The following IL1RAPL1 variants were observed in gnomAD, a reference collection of about 807,000 sequenced individuals.
IL1RAPL1 encodes interleukin 1 receptor accessory protein like 1.
A neutral mutation model predicts 48.4 loss-of-function variants in IL1RAPL1; 3 were observed. That is an observed-to-expected ratio of 0.06 (90% CI 0.03 to 0.16). The LOEUF (loss-of-function observed/expected upper bound fraction) is 0.16, where lower values mean the gene tolerates loss of function less well. IL1RAPL1 is among the 10% of genes least tolerant of loss of function. The pLI, the probability that IL1RAPL1 is intolerant of heterozygous loss-of-function variation, is 1.00. For synonymous variants in IL1RAPL1, 185 were observed against 187.7 expected, an observed-to-expected ratio of 0.99 and a Z score of 0.12; for missense variants, 349 against 530.6, an observed-to-expected ratio of 0.66 and a Z score of 3.36.
At chrX:29,067,412 C>A (rs1383618471) in intron 2 of IL1RAPL1, among the ~76,000 whole-genome samples, 3 of 112,163 alleles carry the variant, frequency 2.7e-5, no homozygotes, top group Non-Finnish European at 5.6e-5. Context: ...TCTTTGGATG[C>A]GGAATTGCTT....
chrX:29,307,535 G>A, intron 3 of IL1RAPL1, among the ~76,000 whole-genome samples: 1 of 111,959 alleles, frequency 8.9e-6, no homozygotes, highest in Non-Finnish European at 1.9e-5. Flanking sequence ...GTGTGAATTG[G>A]AACTAAGATA....
chrX:29,309,853 T>C (rs1932682772), intron 3 of IL1RAPL1, among the ~76,000 whole-genome samples: 2 of 105,871 alleles, frequency 1.9e-5, no homozygotes, highest in Admixed American at 2.0e-4. Flanking sequence ...CCCAGCACTT[T>C]GGGTGGCCGA....
intron 6 of IL1RAPL1, among the ~76,000 whole-genome samples, chrX:29,754,446 C>T (rs924756282): frequency 5.4e-5 from 6 of 111,922 alleles, no homozygotes; most frequent in Non-Finnish European, 9.4e-5. Flanking sequence ...GTTCCCATTA[C>T]CTGTCCATTA....
At chrX:28,689,222 T>C (rs768737565) in intron 1 of IL1RAPL1, among the ~76,000 whole-genome samples, 92 of 111,174 alleles carry the variant, frequency 8.3e-4, no homozygotes, top group African/African-American at 3.0e-3. Flanking sequence ...TCACCTTGAA[T>C]TGTAATAATC....
At chrX:29,576,059 T>C (rs1922764060) in intron 5 of IL1RAPL1, among the ~76,000 whole-genome samples, 1 of 112,219 alleles carries the variant, frequency 8.9e-6, no homozygotes, top group African/African-American at 3.2e-5. Context: ...ACTCTCCAAA[T>C]ATGCAACTTC....
intron 2 of IL1RAPL1, among the ~76,000 whole-genome samples, chrX:28,980,119 T>A (rs1267678556): frequency 8.9e-6 from 1 of 112,490 alleles, no homozygotes; most frequent in Non-Finnish European, 1.9e-5. Flanking sequence ...ATGCAAATCA[T>A]CTTGACTCTC....
At chrX:29,335,322 G>C (rs868521064) in intron 3 of IL1RAPL1, among the ~76,000 whole-genome samples, 1 of 27,719 alleles carries the variant, frequency 3.6e-5, no homozygotes, top group Non-Finnish European at 8.1e-5. Flanking sequence ...GAGGGGAGAG[G>C]GGAGAGGGGA....
In IL1RAPL1 at chrX:29,095,152, G is replaced by A. The variant is rs568899494; in HGVS notation, c.83-187786G>A. ...GACAAAATATGATGCTATTTTCCAT[G>A]TAAAGGACAGATATGTTTTCTTTGA... On this transcript the variant is annotated intron_variant, in intron 2 of 10. Coordinates refer to ENST00000378993, the MANE Select transcript of IL1RAPL1 (RefSeq NM_014271.4). Among the ~76,000 whole-genome samples the A allele has an allele frequency of 2.2e-4, 25 of 111,215 alleles. No homozygotes were observed. The South Asian group carries it at 8.4e-3, about 37-fold the overall frequency.
At chrX:28,964,651 T>C (rs762277981) in intron 2 of IL1RAPL1, among the ~76,000 whole-genome samples, 2 of 111,926 alleles carry the variant, frequency 1.8e-5, no homozygotes, top group African/African-American at 6.5e-5. Context: ...TGATGCAGCA[T>C]AAATTTGCTT....
intron 2 of IL1RAPL1, among the ~76,000 whole-genome samples, chrX:29,131,132 C>T (rs1287686892): frequency 1.8e-5 from 2 of 109,639 alleles, no homozygotes; most frequent in Non-Finnish European, 3.8e-5. Flanking sequence ...CAACTCACTG[C>T]AGTAAATCTC....
intron 2 of IL1RAPL1, among the ~76,000 whole-genome samples, chrX:29,000,550 G>T (rs1217755856): frequency 9.0e-6 from 1 of 111,636 alleles, no homozygotes; most frequent in African/African-American, 3.2e-5. Context: ...AGTAATTTTA[G>T]AAGACTAGTC....
chrX:29,552,093 A>G (rs1234618850), intron 5 of IL1RAPL1, among the ~76,000 whole-genome samples: 3 of 111,058 alleles, frequency 2.7e-5, no homozygotes, highest in Non-Finnish European at 5.7e-5. Flanking sequence ...AGGCCATTGT[A>G]TGTTTTCCAG....
chrX:29,151,540 T>C (rs1929467739), intron 2 of IL1RAPL1, among the ~76,000 whole-genome samples: 1 of 111,205 alleles, frequency 9.0e-6, no homozygotes, highest in Admixed American at 9.7e-5. Context: ...CACAACAGTC[T>C]GGGAATGAAG....
chrX:29,725,412 T>C (rs1419638287), intron 6 of IL1RAPL1, among the ~76,000 whole-genome samples: 1 of 111,671 alleles, frequency 9.0e-6, no homozygotes, highest in Non-Finnish European at 1.9e-5. Context: ...TTGGGTATCA[T>C]GTCCCTTGTT....
chrX:29,249,760 A>G (rs1410856142), intron 2 of IL1RAPL1, among the ~76,000 whole-genome samples: 2 of 111,756 alleles, frequency 1.8e-5, no homozygotes, highest in African/African-American at 3.3e-5. Context: ...AAAATCTTAT[A>G]TGAATATGAG....
intron 2 of IL1RAPL1, among the ~76,000 whole-genome samples, chrX:29,259,761 A>G (rs1377985079): frequency 9.0e-6 from 1 of 111,612 alleles, no homozygotes; most frequent in Non-Finnish European, 1.9e-5. Flanking sequence ...GCTTCTTATG[A>G]CATATAACCT....
intron 5 of IL1RAPL1, among the ~76,000 whole-genome samples, chrX:29,565,954 GT>G (rs1185874270): frequency 3.5e-4 from 37 of 104,277 alleles, no homozygotes; most frequent in East Asian, 1.2e-3. Context: ...TTTTGTTGTT[GT>G]TTTTTTTTTT....
chrX:28,859,468 G>A (rs1921886986), intron 2 of IL1RAPL1, among the ~76,000 whole-genome samples: 1 of 111,004 alleles, frequency 9.0e-6, no homozygotes, highest in East Asian at 2.8e-4. Flanking sequence ...CCATGTTGGC[G>A]AGGATAGTCT....
At chrX:28,835,732 A>C (rs1921188189) in intron 2 of IL1RAPL1, among the ~76,000 whole-genome samples, 1 of 111,280 alleles carries the variant, frequency 9.0e-6, no homozygotes, top group African/African-American at 3.3e-5. Context: ...AAGTACATGC[A>C]GTTTGGCATT....
Sources: gnomAD v4.1 joint callset for allele counts (sites outside exome capture counted in the v4.1 genomes callset) on GRCh38, gnomAD v4.1.1 for gene constraint, MANE v1.5 for transcripts, NCBI Gene and HGNC (gene_info 2026-07-23, HGNC 2026-07-21) for gene names.